RIN2: variants seen among roughly 807,000 people sequenced by gnomAD.
The protein encoded by RIN2 is Ras and Rab interactor 2.
A neutral mutation model predicts 78.0 loss-of-function variants in RIN2; 36 were observed. The ratio of observed to expected loss-of-function variants is 0.46; its 90% CI spans 0.35 to 0.61. RIN2 has a LOEUF of 0.61. RIN2 is among the 20% of genes least tolerant of loss of function. The pLI is 0.00. For synonymous variants in RIN2, 466 were observed against 466.8 expected (o/e 1.00, Z 0.02); for missense variants, 1,087 against 1,159.7 (o/e 0.94, Z 0.91).
At chr20:19,761,902 C>A (rs1001353450) in intron 1 of RIN2, among the ~76,000 whole-genome samples, 7 of 152,180 alleles carry the variant, frequency 4.6e-5, no homozygotes, top group Non-Finnish European at 1.0e-4. Context: ...TCCCCTCAAA[C>A]GCAGCTCTGT....
intron 1 of RIN2, among the ~76,000 whole-genome samples, chr20:19,778,538 A>T (rs895581840): frequency 6.6e-6 from 1 of 152,188 alleles, no homozygotes; most frequent in African/African-American, 2.4e-5. Flanking sequence ...CCAAGTCACA[A>T]ATCCAATAAG....
At chr20:19,932,582 A>G (rs2040482844) in intron 3 of RIN2, among the ~76,000 whole-genome samples, 1 of 152,142 alleles carries the variant, frequency 6.6e-6, no homozygotes, top group African/African-American at 2.4e-5. Context: ...AGTCACAGGC[A>G]CCGAGGGGAT....
At chr20:19,967,684 G>A (rs370124157) in intron 7 of RIN2, among the ~76,000 whole-genome samples, 19 of 152,330 alleles carry the variant, frequency 1.2e-4, no homozygotes, top group South Asian at 2.1e-4. Flanking sequence ...GTAGTAGTGA[G>A]AGTACTAGAG....
rs143375094 is a variant in RIN2, at chr20:19,912,771, G to A, written c.58-22328G>A. ...TGGGATTACAGGCGTGAGCTACCAC[G>A]ACCACGCCGGGATGGTCATTTCTAA... On this transcript the variant is annotated intron_variant, in intron 3 of 12. Coordinates refer to ENST00000255006, the MANE Select transcript of RIN2 (RefSeq NM_018993.4). Among the ~76,000 whole-genome samples, 144 of 152,146 alleles carry A rather than the reference G, an allele frequency of 9.5e-4. 3 individuals carry two copies. In the East Asian group the frequency reaches 0.023, roughly 25 times the overall value.
chr20:19,951,686 G>T (rs1028496086), intron 4 of RIN2, among the ~76,000 whole-genome samples: 1 of 152,134 alleles, frequency 6.6e-6, no homozygotes, highest in Non-Finnish European at 1.5e-5. Context: ...ACTACCTGGT[G>T]GTGAAGGTAT....
At chr20:19,875,279 C>T (rs1052131958) in intron 2 of RIN2, among the ~76,000 whole-genome samples, 13 of 152,164 alleles carry the variant, frequency 8.5e-5, no homozygotes, top group African/African-American at 2.9e-4. Context: ...CTGCCTCAGC[C>T]TCCCAAGTAG....
intron 2 of RIN2, among the ~76,000 whole-genome samples, chr20:19,878,258 G>A (rs1324448641): frequency 1.3e-5 from 2 of 152,088 alleles, no homozygotes; most frequent in Non-Finnish European, 2.9e-5. Context: ...CTTCCCGCGT[G>A]GCCCAAGCCT....
intron 3 of RIN2, among the ~76,000 whole-genome samples, chr20:19,931,374 C>T (rs756621082): frequency 3.3e-5 from 5 of 152,152 alleles, no homozygotes; most frequent in Non-Finnish European, 5.9e-5. Context: ...CTCCTGGCCT[C>T]AAGCAGTTCT....
At chr20:19,851,098 AAAGAG>A (rs928330365) in intron 2 of RIN2, among the ~76,000 whole-genome samples, 4 of 151,932 alleles carry the variant, frequency 2.6e-5, no homozygotes, top group African/African-American at 4.8e-5. Context: ...GGAAGGAAGG[AAAGAG>A]AAGAGAAGAG....
In RIN2 at chr20:19,948,543, C is replaced by G. The variant is rs190827181; in HGVS notation, c.159-8072C>G. On this transcript the variant is annotated intron_variant, in intron 4 of 12. Transcript: ENST00000255006. ...CCGAGTAGCTGGGACTACAGGAGCG[C>G]GCCACCACACCCAGTTAATTTTTGT... is the stretch of plus-strand genomic sequence containing the variant. 1.3e-5 allele frequency among the ~76,000 whole-genome samples: 2 copies of G among 152,040 alleles called. 1 individual carries two copies. The highest frequency in any genetic ancestry group is 4.1e-4 in the South Asian group (2 of 4,830).
At chr20:19,878,563 C>T (rs1012485622) in intron 2 of RIN2, among the ~76,000 whole-genome samples, 1 of 152,158 alleles carries the variant, frequency 6.6e-6, no homozygotes, top group Non-Finnish European at 1.5e-5. Context: ...GAGAATAGAA[C>T]ATACTTTAGT....
chr20:19,975,179 G>T lies in RIN2; in HGVS notation c.1154G>T (p.Gly385Val). 1.9e-6 allele frequency: 3 copies of T among 1,609,232 alleles called. No individual in the cohort carries two copies. The highest frequency in any genetic ancestry group is 2.5e-6 in the Non-Finnish European group (3 of 1,178,214). ...TTGAGCGGCGGCCGGCCGGGCGCAG[G>T]CCCGGAGCTGGAGCTGGGCACAGCT... ...KTLSGGRPGA[G>V]PELELGTAGS... Residue 385 changes from glycine (G) to valine (V), a missense_variant, in exon 9 of 13, where the codon GGC becomes GTC. Coordinates refer to ENST00000255006, the MANE Select transcript of RIN2 (RefSeq NM_018993.4). This position sits in a 1 kb window ranked among gnomAD's most constrained non-coding sequence, Gnocchi z 4.9.
At chr20:19,829,544 C>T (rs2036191751) in intron 2 of RIN2, among the ~76,000 whole-genome samples, 1 of 152,116 alleles carries the variant, frequency 6.6e-6, no homozygotes, top group African/African-American at 2.4e-5. Flanking sequence ...AGTGTGCCGG[C>T]TTAAAAAGTT....
At position 19,905,206 on chromosome 20, in the gene RIN2, A is replaced by G. The variant is rs1045661394; in HGVS notation, c.57+15548A>G. Among the ~76,000 whole-genome samples, 5 of 152,176 alleles carry G rather than the reference A, an allele frequency of 3.3e-5. No individual in the cohort carries two copies. In the South Asian group the frequency reaches 1.0e-3, roughly 32 times the overall value. On this transcript the variant is annotated intron_variant, in intron 3 of 12. Transcript: ENST00000255006. Reference sequence around the variant, plus strand: ...CTCAGCAAAAGCTGAGCCAGAACAGACTCAAAACTCACACCTTCCCCACTT... The same window carrying G: ...CTCAGCAAAAGCTGAGCCAGAACAGGCTCAAAACTCACACCTTCCCCACTT...
At chr20:19,765,915 G>A (rs2033865224) in intron 1 of RIN2, among the ~76,000 whole-genome samples, 1 of 151,892 alleles carries the variant, frequency 6.6e-6, no homozygotes, top group East Asian at 1.9e-4. Flanking sequence ...AGAAAAGGAG[G>A]CTACAGAGGG....
At chr20:19,772,047 G>A (rs2034145705) in intron 1 of RIN2, among the ~76,000 whole-genome samples, 1 of 130,662 alleles carries the variant, frequency 7.7e-6, no homozygotes. Flanking sequence ...TAGAACAGAT[G>A]CGCGCTCTCA....
chr20:19,982,528 C>T (rs748676665), intron 9 of RIN2, among the ~76,000 whole-genome samples: 7 of 152,162 alleles, frequency 4.6e-5, no homozygotes, highest in South Asian at 2.1e-4. Flanking sequence ...AAGTCAGGGG[C>T]GAGTGGTGGC....
intron 11 of RIN2, among the ~76,000 whole-genome samples, chr20:19,993,187 G>A (rs1447332119): frequency 6.6e-6 from 1 of 152,072 alleles, no homozygotes; most frequent in Admixed American, 6.6e-5. Flanking sequence ...AACAAATCAG[G>A]GCCTGTGCAC....
At chr20:19,988,503 C>G (rs1403851955) in intron 9 of RIN2, among the ~76,000 whole-genome samples, 1 of 152,146 alleles carries the variant, frequency 6.6e-6, no homozygotes, top group Non-Finnish European at 1.5e-5. Flanking sequence ...TCATTTTATG[C>G]GTAGATGCTG....
Sources: gnomAD v4.1 joint callset for allele counts (sites outside exome capture counted in the v4.1 genomes callset) on GRCh38, gnomAD v4.1.1 for gene constraint, Gnocchi (gnomAD v3.1) non-coding constraint, MANE v1.5 for transcripts, NCBI Gene and HGNC (gene_info 2026-07-23, HGNC 2026-07-21) for gene names.